CCDC12: variants seen among roughly 807,000 people sequenced by gnomAD.
CCDC12 encodes the protein coiled-coil domain-containing protein 12.
CCDC12 carries 28 observed loss-of-function variants against 25.7 expected under a neutral mutation model. The observed-to-expected ratio is 1.09, with a 90% CI of 0.81 to 1.50. CCDC12 has a LOEUF of 1.50. CCDC12 is among the 40% of genes most tolerant of loss of function. The pLI is 0.00. For missense variants in CCDC12, 198 were observed against 210.0 expected (o/e 0.94, Z 0.35); for synonymous variants, 75 against 87.7 (o/e 0.86, Z 0.81).
chr3:46,941,425 C>T (rs954670853), intron 1 of CCDC12, among the ~76,000 whole-genome samples: 1 of 152,030 alleles, frequency 6.6e-6, no homozygotes, highest in Non-Finnish European at 1.5e-5. Context: ...ATTAGCTGGG[C>T]GTGGTAGTGG....
intron 2 of CCDC12, among the ~76,000 whole-genome samples, chr3:46,932,674 G>A (rs944880378): frequency 1.3e-5 from 2 of 152,242 alleles, no homozygotes; most frequent in East Asian, 3.8e-4. Context: ...ACAGCCTCAG[G>A]GGGTGGACAG....
intron 2 of CCDC12, among the ~76,000 whole-genome samples, chr3:46,933,420 T>G (rs2033310793): frequency 6.6e-6 from 1 of 151,732 alleles, no homozygotes; most frequent in Non-Finnish European, 1.5e-5. Flanking sequence ...TATGGCCACG[T>G]GTTGGCACCA....
chr3:46,946,193 T>G (rs1028969699), intron 1 of CCDC12, among the ~76,000 whole-genome samples: 3 of 152,208 alleles, frequency 2.0e-5, no homozygotes, highest in Admixed American at 2.0e-4. Flanking sequence ...TCTCTTTCCT[T>G]GCACCCCTCA....
At chr3:46,975,841 ATTTTTTT>A (rs11356624) in intron 1 of CCDC12, among the ~76,000 whole-genome samples, 1 of 70,374 alleles carries the variant, frequency 1.4e-5, no homozygotes, top group East Asian at 4.0e-4. Flanking sequence ...TTTATTTTCG[ATTTTTTT>A]TTTTTTTTTT....
chr3:46,946,478 T>C (rs2033911835), intron 1 of CCDC12, among the ~76,000 whole-genome samples: 1 of 152,242 alleles, frequency 6.6e-6, no homozygotes, highest in Non-Finnish European at 1.5e-5. Flanking sequence ...GAGTGGTAAC[T>C]GCCTACAAAG....
chr3:46,967,293 A>G (rs1370337083), intron 1 of CCDC12, among the ~76,000 whole-genome samples: 1 of 152,044 alleles, frequency 6.6e-6, no homozygotes, highest in East Asian at 1.9e-4. Flanking sequence ...ATCCAAGGGC[A>G]TGTCAGCTTT....
chr3:46,979,842 G>T, upstream of CCDC12: 1 of 441,064 alleles, frequency 2.3e-6, no homozygotes, highest in Non-Finnish European at 4.0e-6. Flanking sequence ...CGCGCAGCAG[G>T]GCCGGAGCCG....
intron 1 of CCDC12, among the ~76,000 whole-genome samples, chr3:46,960,157 C>T (rs540314720): frequency 5.9e-5 from 9 of 152,156 alleles, no homozygotes; most frequent in Admixed American, 1.3e-4. Flanking sequence ...TCAGCCTTCC[C>T]ACAGGGCCCC....
At chr3:46,974,922 C>T (rs1301377297) in intron 1 of CCDC12, among the ~76,000 whole-genome samples, 1 of 152,254 alleles carries the variant, frequency 6.6e-6, no homozygotes, top group East Asian at 1.9e-4. Context: ...ACTGTCATTC[C>T]CCACTGGAGA....
chr3:46,922,103 G>C lies in CCDC12; in HGVS notation c.455C>G (p.Ser152Cys), dbSNP rs752160942. 3 of 1,614,150 alleles carry C rather than the reference G, an allele frequency of 1.9e-6. No homozygotes were observed. The highest frequency in any genetic ancestry group is 1.7e-5 in the Admixed American group (1 of 60,012). The change falls in exon 7 of 7, where the codon TCT becomes TGT. Residue 152 changes from serine to cysteine, a missense_variant. Physicochemically the swap from Ser to Cys is moderately radical, Grantham distance 112. Coordinates refer to ENST00000683445, the MANE Select transcript of CCDC12 (RefSeq NM_001277074.2). ...RLKGQEDSLASAVDAATEQKT... is the reference protein window; with the variant it reads ...RLKGQEDSLACAVDAATEQKT... ...TTGTTCGGTGGCAGCATCCACTGCA[G>C]AGGCTAGGCTGTCTTCCTGGCCTTT...
chr3:46,937,044 G>T (rs750408362), intron 2 of CCDC12, among the ~76,000 whole-genome samples: 1 of 152,170 alleles, frequency 6.6e-6, no homozygotes, highest in African/African-American at 2.4e-5. Flanking sequence ...GGTCAGGGAC[G>T]CATCAGAGAC....
chr3:46,923,238 T>C, intron 5 of CCDC12, 91 bp downstream of exon 5: 3 of 1,294,160 alleles, frequency 2.3e-6, no homozygotes, highest in Non-Finnish European at 3.1e-6. Flanking sequence ...GTCTCTGCAC[T>C]GTGACGGCAG....
At chr3:46,940,753 C>A in intron 2 of CCDC12, 1 of 551,184 alleles carries the variant, frequency 1.8e-6, no homozygotes, top group East Asian at 2.9e-5. Context: ...AATGTAAGGG[C>A]TAGAAAGAAA....
In CCDC12 at chr3:46,938,518, GTTTT is replaced by G. The variant is rs66474878; in HGVS notation, c.164+2476_164+2479del. Among the ~76,000 whole-genome samples the G allele has an allele frequency of 1.2e-4, 11 of 91,410 alleles. No individual in the cohort carries two copies. The East Asian group carries it at 3.3e-3, about 27-fold the overall frequency. 60.0% of individuals were successfully genotyped at this position (91,410 alleles called of 152,430 possible). A position where few individuals can be genotyped will look rare whatever the true frequency, so the allele number is the denominator to read the frequency against. ...TTCCAGACAGGTTTGTTCCCCTCCT[GTTTT>G]TTTTTTTTTTTTTTTTTTTTTGGTA... On this transcript the variant is annotated intron_variant, in intron 2 of 6. Coordinates refer to ENST00000683445, the MANE Select transcript of CCDC12 (RefSeq NM_001277074.2).
chr3:46,976,432 A>G, intron 1 of CCDC12: 1 of 1,414,518 alleles, frequency 7.1e-7, no homozygotes, highest in Non-Finnish European at 9.2e-7. Context: ...CGCATGCGCG[A>G]CGACCGCACC....
intron 1 of CCDC12, among the ~76,000 whole-genome samples, chr3:46,947,813 C>T (rs2033964156): frequency 6.6e-6 from 1 of 152,236 alleles, no homozygotes; most frequent in East Asian, 1.9e-4. Flanking sequence ...GAAATCCCAG[C>T]TCCATTTCAT....
At chr3:46,963,602 C>T (rs1364351290) in intron 1 of CCDC12, among the ~76,000 whole-genome samples, 4 of 152,200 alleles carry the variant, frequency 2.6e-5, no homozygotes, top group Admixed American at 1.3e-4. Context: ...ATCGCAGGCG[C>T]GCGCCGCCAC....
At chr3:46,961,916 T>C (rs1350380213) in intron 1 of CCDC12, among the ~76,000 whole-genome samples, 1 of 152,106 alleles carries the variant, frequency 6.6e-6, no homozygotes, top group Non-Finnish European at 1.5e-5. Flanking sequence ...GATACCCATA[T>C]GGGGAGAAAA....
chr3:46,932,320 C>A (rs2033262440), intron 2 of CCDC12, among the ~76,000 whole-genome samples: 1 of 152,192 alleles, frequency 6.6e-6, no homozygotes, highest in South Asian at 2.1e-4. Flanking sequence ...AAAGTACCAC[C>A]AGGCTATGAG....
Sources: gnomAD v4.1 joint callset for allele counts (sites outside exome capture counted in the v4.1 genomes callset) on GRCh38, gnomAD v4.1.1 for gene constraint, MANE v1.5 for transcripts, NCBI Gene and HGNC (gene_info 2026-07-23, HGNC 2026-07-21) for gene names.